ZMIZ1: variants seen among roughly 807,000 people sequenced by gnomAD.
ZMIZ1 encodes zinc finger MIZ-type containing 1.
In ZMIZ1, 17 loss-of-function variants were observed where a neutral mutation model predicts 113.9. That is an observed-to-expected ratio of 0.15 (90% CI 0.10 to 0.22). ZMIZ1 has a LOEUF of 0.22. ZMIZ1 is among the 10% of genes least tolerant of loss of function. The pLI is 1.00. For synonymous variants in ZMIZ1, 607 were observed against 603.1 expected (o/e 1.01, Z -0.09); for missense variants, 1,059 against 1,477.8 (o/e 0.72, Z 4.65).
intron 8 of ZMIZ1, among the ~76,000 whole-genome samples, chr10:79,279,675 T>C (rs1049015801): frequency 7.9e-5 from 12 of 152,128 alleles, no homozygotes; most frequent in South Asian, 2.1e-4. Context: ...CTGGGCAACA[T>C]TGAGCACTGA....
rs117588429 is a variant in ZMIZ1, at chr10:79,169,020, C to T, written c.-50+6887C>T. Among the ~76,000 whole-genome samples the T allele has an allele frequency of 5.2e-3, 789 of 152,328 alleles. 7 individuals are homozygous for T. The highest frequency in any genetic ancestry group is 0.013 in the South Asian group (65 of 4,830). ...GAAACAGCAAGCACATCTTGCCTCA[C>T]GGCTGTTCTGGGACCGTCTACCGCT... On this transcript the variant is annotated intron_variant, in intron 4 of 24. Coordinates refer to ENST00000334512, the MANE Select transcript of ZMIZ1 (RefSeq NM_020338.4).
chr10:79,312,717 GA>G lies in ZMIZ1; in HGVS notation c.3173del (p.Asp1058ValfsTer66). ...CCCCGACCTGCCGAGCAATAGTAAC[GA>G]TGACCTCCTGTCTCTATTTGAGAAC... ...DPPDLPSNSN[D>X]DLLSLFENN On this transcript the variant is annotated frameshift_variant, in exon 25 of 25. Coordinates refer to ENST00000334512, the MANE Select transcript of ZMIZ1 (RefSeq NM_020338.4). LOFTEE classifies it high-confidence loss of function. 6.2e-7 allele frequency: 1 copy of G among 1,614,164 alleles called. No homozygotes were observed. Among genetic ancestry groups the G allele is most frequent in the Non-Finnish European group, 8.5e-7 (1 of 1,180,020 alleles).
intron 4 of ZMIZ1, among the ~76,000 whole-genome samples, chr10:79,181,850 G>A (rs948488214): frequency 5.9e-5 from 9 of 152,150 alleles, no homozygotes; most frequent in Non-Finnish European, 7.3e-5. Context: ...GTCCCGGCCC[G>A]CCTCCCAGCC....
intron 7 of ZMIZ1, among the ~76,000 whole-genome samples, chr10:79,255,150 C>T (rs1338231854): frequency 6.6e-6 from 1 of 152,216 alleles, no homozygotes; most frequent in East Asian, 1.9e-4. Context: ...TGGGCAGCTC[C>T]CCTCATTCCC....
At chr10:79,097,926 C>T (rs1012095439) in intron 1 of ZMIZ1, among the ~76,000 whole-genome samples, 23 of 152,316 alleles carry the variant, frequency 1.5e-4, no homozygotes, top group Admixed American at 1.4e-3. Context: ...AGGGGCTTCT[C>T]AGGCAGACGT....
chr10:79,205,287 G>A (rs541415454), intron 5 of ZMIZ1, among the ~76,000 whole-genome samples: 1 of 152,318 alleles, frequency 6.6e-6, no homozygotes, highest in Admixed American at 6.5e-5. Context: ...GGCTGGCCAA[G>A]CTCACCCCTG....
At chr10:79,143,395 C>T (rs866946015) in intron 3 of ZMIZ1, among the ~76,000 whole-genome samples, 2 of 152,102 alleles carry the variant, frequency 1.3e-5, no homozygotes, top group East Asian at 1.9e-4. Flanking sequence ...GGTTTGACCC[C>T]GGGCCCACTC....
chr10:79,113,746 C>T (rs919689623), intron 1 of ZMIZ1, among the ~76,000 whole-genome samples: 20 of 152,094 alleles, frequency 1.3e-4, no homozygotes, highest in African/African-American at 4.8e-4. Flanking sequence ...GTGAAGGCTT[C>T]CCTGGCACCC....
At chr10:79,230,226 C>T (rs935523933) in intron 7 of ZMIZ1, among the ~76,000 whole-genome samples, 2 of 151,944 alleles carry the variant, frequency 1.3e-5, no homozygotes, top group African/African-American at 4.8e-5. Context: ...CCCTCTCTCC[C>T]CCACTTCCTT....
chr10:79,187,264 G>A (rs1214714734), intron 4 of ZMIZ1, among the ~76,000 whole-genome samples: 1 of 152,216 alleles, frequency 6.6e-6, no homozygotes, highest in Non-Finnish European at 1.5e-5. Context: ...AATATGGCCT[G>A]GGCCAAGCAG....
intron 1 of ZMIZ1, among the ~76,000 whole-genome samples, chr10:79,103,562 A>G (rs1255415422): frequency 1.3e-5 from 2 of 148,948 alleles, no homozygotes; most frequent in Non-Finnish European, 3.0e-5. Context: ...ATCCAAAAGG[A>G]GGGCGGAGGG....
intron 7 of ZMIZ1, among the ~76,000 whole-genome samples, chr10:79,241,798 G>C (rs1849844494): frequency 6.6e-6 from 1 of 152,196 alleles, no homozygotes; most frequent in Non-Finnish European, 1.5e-5. Context: ...CCAGCCAGAG[G>C]CTGAGGCTGA....
At chr10:79,165,568 C>A (rs72816263) in intron 4 of ZMIZ1, among the ~76,000 whole-genome samples, 29,452 of 152,198 alleles carry the variant, frequency 0.19, 3,186 homozygotes, top group Middle Eastern at 0.24. Flanking sequence ...GGGGAGACCC[C>A]TCCCTCCCGT....
At chr10:79,280,176 A>T (rs1852631883) in intron 8 of ZMIZ1, among the ~76,000 whole-genome samples, 1 of 151,928 alleles carries the variant, frequency 6.6e-6, no homozygotes, top group South Asian at 2.1e-4. Context: ...TTTAGTAGAG[A>T]TGGCATTGCC....
chr10:79,076,769 G>A (rs1394427393), intron 1 of ZMIZ1, among the ~76,000 whole-genome samples: 2 of 152,162 alleles, frequency 1.3e-5, no homozygotes, highest in Non-Finnish European at 2.9e-5. Flanking sequence ...CCCATGAGGT[G>A]GAGGTTGCAG....
chr10:79,151,897 C>A (rs115586970), intron 3 of ZMIZ1, among the ~76,000 whole-genome samples: 1,609 of 152,296 alleles, frequency 0.011, 23 homozygotes, highest in African/African-American at 0.037. Context: ...AATTGCTGGG[C>A]CTGTGTGTCA....
chr10:79,227,348 G>C (rs1367884770), intron 7 of ZMIZ1, among the ~76,000 whole-genome samples: 2 of 152,164 alleles, frequency 1.3e-5, no homozygotes, highest in Non-Finnish European at 2.9e-5. Context: ...GAGAGCCTGG[G>C]TCAGCCCCAA....
At chr10:79,104,759 C>T (rs575527176) in intron 1 of ZMIZ1, among the ~76,000 whole-genome samples, 16 of 152,282 alleles carry the variant, frequency 1.1e-4, no homozygotes, top group South Asian at 4.1e-4. Flanking sequence ...GGGACTGGCC[C>T]GCTGGCCACG....
chr10:79,224,503 G>A (rs1018004819), intron 7 of ZMIZ1, among the ~76,000 whole-genome samples: 2 of 152,110 alleles, frequency 1.3e-5, no homozygotes, highest in African/African-American at 4.8e-5. Flanking sequence ...TGCCTACAGA[G>A]CGGGGGTGTA....
Sources: allele counts gnomAD v4.1 joint callset (sites outside exome capture counted in the v4.1 genomes callset), GRCh38; gene constraint gnomAD v4.1.1; transcripts MANE v1.5; gene names NCBI Gene and HGNC (gene_info 2026-07-23, HGNC 2026-07-21).